Variants in LRP8 observed in about 807,000 individuals in gnomAD.
The protein encoded by LRP8 is LDL receptor related protein 8.
LRP8 carries 46 observed loss-of-function variants against 111.6 expected under a neutral mutation model. That is an observed-to-expected ratio of 0.41 (90% CI 0.33 to 0.53). The LOEUF is 0.53. Among genes scored for constraint, LRP8 ranks in the 20% least tolerant of loss-of-function variants. LRP8 has a pLI of 0.20. For missense variants in LRP8, 959 were observed against 1,297.4 expected (o/e 0.74, Z 4.01); for synonymous variants, 464 against 511.2 (o/e 0.91, Z 1.24).
At chr1:53,287,721 G>A (rs532258064) in intron 3 of LRP8, among the ~76,000 whole-genome samples, 52 of 152,272 alleles carry the variant, frequency 3.4e-4, no homozygotes, top group African/African-American at 1.1e-3. Context: ...TGTGAAAAGC[G>A]GGCCTGGGAG....
Position 53,260,497 on chromosome 1 carries a change from T to C in LRP8, c.2023A>G (p.Ile675Val), listed in dbSNP as rs1172278338. Residue 675 changes from isoleucine (I) to valine (V), a missense_variant, in exon 13 of 19, where the codon ATT (isoleucine) becomes GTT (valine). By Grantham distance (29) the Ile-to-Val change is conservative (BLOSUM62 3). Around this residue, in one of 3 missense-constraint regions of LRP8, gnomAD observed 819 missense variants for 1,097.6 expected, o/e 0.75. Transcript: ENST00000306052. Reference protein sequence around the residue: ...LAENLNNPHDIVIFHELKQPR... With the variant: ...LAENLNNPHDVVIFHELKQPR... ...TGCTTCAGCTCATGGAAGATGACAA[T>C]GTCATGTGGGTTGTTGAGGTTCTCA... 1 of 1,613,982 alleles carries C rather than the reference T, an allele frequency of 6.2e-7. No homozygotes were observed. Among genetic ancestry groups the C allele is most frequent in the Non-Finnish European group, 8.5e-7 (1 of 1,180,018 alleles).
chr1:53,295,940 C>T (rs187111730), intron 2 of LRP8, among the ~76,000 whole-genome samples: 8 of 152,318 alleles, frequency 5.3e-5, no homozygotes, highest in Non-Finnish European at 1.0e-4. Context: ...CCCGTGTTGA[C>T]ACAGCAGCCT....
chr1:53,255,283 C>T (rs1003653605), intron 15 of LRP8, 98 bp from the exon 16 acceptor site: 17 of 972,044 alleles, frequency 1.7e-5, no homozygotes, highest in Non-Finnish European at 2.7e-5. Context: ...GCTGCTCATC[C>T]TCATTCTAAA....
intron 2 of LRP8, among the ~76,000 whole-genome samples, chr1:53,318,143 A>C (rs1032844403): frequency 6.6e-6 from 1 of 152,180 alleles, no homozygotes; most frequent in Non-Finnish European, 1.5e-5. Flanking sequence ...GTCACACAGC[A>C]AGTTAGGGGC....
chr1:53,317,454 C>T lies in LRP8; in HGVS notation c.244+9419G>A, dbSNP rs1055377975. Reference sequence around the variant, plus strand: ...CAGATGGGGTGGGATGAGATGGCTCCGACAGTCCCTCCCAGCCCGAGGAGC... The same window carrying T: ...CAGATGGGGTGGGATGAGATGGCTCTGACAGTCCCTCCCAGCCCGAGGAGC... On this transcript the variant is annotated intron_variant, in intron 2 of 18. Transcript: ENST00000306052. This position sits in a 1 kb window ranked among gnomAD's most constrained non-coding sequence, Gnocchi z 4.9. 7.2e-5 allele frequency among the ~76,000 whole-genome samples: 11 copies of T among 152,312 alleles called. No homozygotes were observed. The highest frequency in any genetic ancestry group is 5.8e-4 in the East Asian group (3 of 5,178).
intron 2 of LRP8, among the ~76,000 whole-genome samples, chr1:53,295,906 A>G (rs1413277323): frequency 1.3e-5 from 2 of 152,176 alleles, no homozygotes; most frequent in South Asian, 2.1e-4. Context: ...TGATTAGATG[A>G]GGTGCAGAGA....
chr1:53,274,928 G>A, intron 6 of LRP8: 1 of 436,638 alleles, frequency 2.3e-6, no homozygotes, highest in South Asian at 1.6e-5. Context: ...GTCCCTCACA[G>A]GTCCCTGGAG....
At position 53,264,195 on chromosome 1, in the gene LRP8, C is replaced by T. The variant is rs775646378; in HGVS notation, c.1629G>A (p.Arg543=). 2 of 1,614,124 alleles carry T rather than the reference C, an allele frequency of 1.2e-6. No individual in the cohort carries two copies. Among genetic ancestry groups the T allele is most frequent in the South Asian group, 2.2e-5 (2 of 91,080 alleles). ...TLFSRNLSEP[R]AIAVDPLRGF... ...CTCGCAGGGGGTCAACAGCGATGGC[C>T]CGGGGTTCACTGAGGTTACGGCTGA... The change falls in exon 10 of 19, where the codon CGG becomes CGA. Residue 543 remains arginine, a synonymous_variant. Coordinates refer to ENST00000306052, the MANE Select transcript of LRP8 (RefSeq NM_004631.5).
intron 2 of LRP8, among the ~76,000 whole-genome samples, chr1:53,301,906 A>G (rs1044327310): frequency 1.3e-5 from 2 of 152,140 alleles, no homozygotes; most frequent in African/African-American, 4.8e-5. Context: ...AACAGCCACA[A>G]CCCAGAACAA....
At chr1:53,259,385 T>A (rs987754205) in intron 13 of LRP8, among the ~76,000 whole-genome samples, 1 of 151,646 alleles carries the variant, frequency 6.6e-6, no homozygotes, top group African/African-American at 2.4e-5. Flanking sequence ...GTGCTGGAAT[T>A]GCAGGTATAA....
chr1:53,258,391 G>A lies in LRP8; in HGVS notation c.2137C>T (p.His713Tyr). Residue 713 changes from histidine (H) to tyrosine (Y), a missense_variant, in exon 14 of 19, where the codon CAC (histidine) becomes TAC (tyrosine). This residue lies in a region of LRP8 where 819 missense variants were observed against 1,097.6 expected (regional missense o/e 0.75). Coordinates refer to ENST00000306052, the MANE Select transcript of LRP8 (RefSeq NM_004631.5). ...LCLPAPQISS[H>Y]SPKYTCACPD... ...CAGGCACATGTGTACTTGGGAGAGT[G>A]GCTGGAGATCTGAGGAGCAGGAAGG... 1 of 1,614,110 alleles carries A rather than the reference G, an allele frequency of 6.2e-7. No individual in the cohort carries two copies. Among genetic ancestry groups the A allele is most frequent in the South Asian group, 1.1e-5 (1 of 91,078 alleles).
chr1:53,323,547 T>C (rs1008907515), intron 2 of LRP8, among the ~76,000 whole-genome samples: 2 of 152,242 alleles, frequency 1.3e-5, no homozygotes, highest in African/African-American at 4.8e-5. Flanking sequence ...CCCACCCGAC[T>C]TCCCCTGGCT....
intron 2 of LRP8, among the ~76,000 whole-genome samples, chr1:53,324,969 G>C (rs1345054700): frequency 6.6e-6 from 1 of 152,252 alleles, no homozygotes; most frequent in Admixed American, 6.5e-5. Context: ...TATCTAGAAA[G>C]TAGAATGACA....
intron 2 of LRP8, among the ~76,000 whole-genome samples, chr1:53,297,375 G>A (rs996567151): frequency 2.6e-5 from 4 of 152,218 alleles, no homozygotes; most frequent in Non-Finnish European, 5.9e-5. Context: ...GACTACTCAA[G>A]GCTCGGCGGT....
rs145027161 is a variant in LRP8, at chr1:53,280,707, C to T, written c.376G>A (p.Val126Met). The T allele has an allele frequency of 1.6e-5, 25 of 1,611,796 alleles. No individual in the cohort carries two copies. The East Asian group carries it at 5.3e-4, about 34-fold the overall frequency. Residue 126 changes from valine to methionine, a missense_variant, in exon 4 of 19, where the codon GTG becomes ATG. By Grantham distance (21) the Val-to-Met change is conservative. Coordinates refer to ENST00000306052, the MANE Select transcript of LRP8 (RefSeq NM_004631.5). ...CAGCTCAGCTTCTCTGCAGGACACA[C>T]CTGCTTGGCTGTGGAGACAGACGTC... ...DESEATCTKQVCPAEKLSCGP... is the reference protein window; with the variant it reads ...DESEATCTKQMCPAEKLSCGP...
At chr1:53,296,767 C>T (rs1444037668) in intron 2 of LRP8, among the ~76,000 whole-genome samples, 1 of 152,226 alleles carries the variant, frequency 6.6e-6, no homozygotes, top group Non-Finnish European at 1.5e-5. Flanking sequence ...CCAGAGCAAC[C>T]TGCACCCCAC....
At chr1:53,252,331 A>G (rs1223200260) in intron 16 of LRP8, among the ~76,000 whole-genome samples, 1 of 151,954 alleles carries the variant, frequency 6.6e-6, no homozygotes, top group African/African-American at 2.4e-5. Context: ...GGAGTTCAAG[A>G]CCAGCCCGGG....
In LRP8 at chr1:53,262,502, A is replaced by G. The variant is rs751139313; in HGVS notation, c.1718T>C (p.Val573Ala). Residue 573 changes from valine to alanine, a missense_variant, in exon 11 of 19, where the codon GTG (valine) becomes GCG (alanine). Physicochemically the swap from Val to Ala is moderately conservative, Grantham distance 64. This residue lies in a region of LRP8 where 819 missense variants were observed against 1,097.6 expected (regional missense o/e 0.75). Coordinates refer to ENST00000306052, the MANE Select transcript of LRP8 (RefSeq NM_004631.5). The surrounding 1 kb of genome is among the most constrained non-coding windows in gnomAD (Gnocchi z 4.8). ...AKIEKSGLNG[V>A]DRQTLVSDNI... is the part of the protein sequence containing the mutation. ...GTCTGACACCAGTGTTTGCCGGTCC[A>G]CACCGTTGAGCCCAGATTTCTCAAT... 6.2e-7 allele frequency: 1 copy of G among 1,614,206 alleles called. No homozygotes were observed. Among genetic ancestry groups the G allele is most frequent in the Non-Finnish European group, 8.5e-7 (1 of 1,180,038 alleles).
chr1:53,319,686 G>A (rs931276277), intron 2 of LRP8, among the ~76,000 whole-genome samples: 3 of 152,232 alleles, frequency 2.0e-5, no homozygotes, highest in Admixed American at 2.0e-4. Context: ...CACTCCGGCT[G>A]CGGGGTGATT....
Sources: gnomAD v4.1 joint callset for allele counts (sites outside exome capture counted in the v4.1 genomes callset) on GRCh38, gnomAD v4.1.1 for gene constraint, gnomAD v4.1.1 regional missense constraint, Gnocchi (gnomAD v3.1) non-coding constraint, MANE v1.5 for transcripts, NCBI Gene and HGNC (gene_info 2026-07-23, HGNC 2026-07-21) for gene names.